Variants in MAP4K4 observed in about 807,000 individuals in gnomAD.
MAP4K4 encodes mitogen-activated protein kinase kinase kinase kinase 4.
In MAP4K4, 38 loss-of-function variants were observed where a neutral mutation model predicts 189.6. The observed-to-expected ratio is 0.20, with a 90% CI of 0.15 to 0.26. MAP4K4 has a LOEUF of 0.26. MAP4K4 is among the 10% of genes least tolerant of loss of function. The pLI is 1.00. For synonymous variants in MAP4K4, 610 were observed against 624.3 expected (o/e 0.98, Z 0.34); for missense variants, 1,054 against 1,726.9 (o/e 0.61, Z 6.91).
chr2:101,856,753 AG>A (rs1418115302), intron 13 of MAP4K4, among the ~76,000 whole-genome samples: 2 of 152,178 alleles, frequency 1.3e-5, no homozygotes, highest in Non-Finnish European at 2.9e-5. Flanking sequence ...ATTTGCCCTT[AG>A]CCCCTTTGCC....
chr2:101,867,243 G>T, exon 20 of MAP4K4: 1 of 1,606,218 alleles, frequency 6.2e-7, no homozygotes, highest in Admixed American at 1.7e-5. Context: ...CTCCATCTCA[G>T]CGCCTGGAAA....
chr2:101,805,017 T>C (rs1469147736), intron 3 of MAP4K4, among the ~76,000 whole-genome samples: 1 of 136,392 alleles, frequency 7.3e-6, no homozygotes, highest in South Asian at 2.2e-4. Context: ...GAGGTTGCAG[T>C]GAGCTGAGAT....
intron 3 of MAP4K4, among the ~76,000 whole-genome samples, chr2:101,816,192 G>C (rs1359786797): frequency 6.6e-6 from 1 of 152,204 alleles, no homozygotes; most frequent in African/African-American, 2.4e-5. Context: ...TCTCTTCTAA[G>C]CGCTTTCGTA....
At chr2:101,801,421 T>C (rs1013575789) in intron 3 of MAP4K4, among the ~76,000 whole-genome samples, 3 of 152,134 alleles carry the variant, frequency 2.0e-5, no homozygotes, top group African/African-American at 7.2e-5. Flanking sequence ...CCTGTTTACT[T>C]CCTCCAGCAG....
At chr2:101,802,987 T>C (rs1336182410) in intron 3 of MAP4K4, among the ~76,000 whole-genome samples, 3 of 152,220 alleles carry the variant, frequency 2.0e-5, no homozygotes, top group Non-Finnish European at 2.9e-5. Flanking sequence ...GGTTTCACCA[T>C]GTTGGCCAGG....
At chr2:101,797,152 A>C (rs1306729476) in intron 3 of MAP4K4, 5 of 1,081,236 alleles carry the variant, frequency 4.6e-6, no homozygotes, top group Non-Finnish European at 6.0e-6. Flanking sequence ...CAATGTAATG[A>C]ATGTGTTGTT....
intron 2 of MAP4K4, among the ~76,000 whole-genome samples, chr2:101,701,603 A>G (rs1328455838): frequency 1.3e-5 from 2 of 152,212 alleles, no homozygotes; most frequent in Non-Finnish European, 1.5e-5. Flanking sequence ...ATGGTCTGGT[A>G]TAGTTGAACA....
At chr2:101,774,776 T>A (rs2083139365) in intron 2 of MAP4K4, among the ~76,000 whole-genome samples, 1 of 152,200 alleles carries the variant, frequency 6.6e-6, no homozygotes, top group South Asian at 2.1e-4. Flanking sequence ...AACAGTCTCA[T>A]CACCCCAAAA....
intron 3 of MAP4K4, among the ~76,000 whole-genome samples, chr2:101,796,614 T>C (rs558325214): frequency 6.6e-6 from 1 of 152,342 alleles, no homozygotes. Context: ...CTTTAAAGGA[T>C]AGATGGATCT....
At chr2:101,765,870 T>C (rs2150258008) in intron 2 of MAP4K4, among the ~76,000 whole-genome samples, 1 of 152,362 alleles carries the variant, frequency 6.6e-6, no homozygotes. Flanking sequence ...GTGAGGCGTA[T>C]TTTAAAGTGT....
At chr2:101,740,176 C>G (rs1240617996) in intron 2 of MAP4K4, among the ~76,000 whole-genome samples, 1 of 56,048 alleles carries the variant, frequency 1.8e-5, no homozygotes, top group Non-Finnish European at 2.5e-5. Context: ...TTTTTTGAGA[C>G]GGAGTCTCGC....
At chr2:101,893,210 A>G (rs902556311) in exon 33 of MAP4K4, 1 of 456,200 alleles carries the variant, frequency 2.2e-6, no homozygotes, top group Non-Finnish European at 4.4e-6. Context: ...AAGTACATCC[A>G]CTCATGAATG....
At chr2:101,801,840 C>T (rs1303479712) in intron 3 of MAP4K4, among the ~76,000 whole-genome samples, 1 of 152,128 alleles carries the variant, frequency 6.6e-6, no homozygotes, top group African/African-American at 2.4e-5. Flanking sequence ...CCTGTTCTTC[C>T]CCCATAAGCT....
rs192871736 is a variant in MAP4K4 at position 101,728,885 on chromosome 2, A to G, written c.123+30347A>G. ...AGCTCTAGCTGCTCCTATATCTTGT[A>G]GTATGTGAGAGAAACTGATTTATAT... On this transcript the variant is annotated intron_variant, in intron 2 of 32. Transcript: ENST00000324219. 5.3e-3 allele frequency among the ~76,000 whole-genome samples: 807 copies of G among 152,304 alleles called. 4 individuals carry two copies. Among genetic ancestry groups the G allele is most frequent in the Admixed American group, 7.7e-3 (118 of 15,300 alleles).
chr2:101,742,247 C>T (rs2063158066), intron 2 of MAP4K4, among the ~76,000 whole-genome samples: 2 of 152,152 alleles, frequency 1.3e-5, no homozygotes, highest in Admixed American at 6.6e-5. Context: ...GGAGGCTTCC[C>T]AGGCAGGTAC....
At position 101,725,407 on chromosome 2, in the gene MAP4K4, CA is replaced by C. The variant is rs201929026; in HGVS notation, c.123+26878del. Among the ~76,000 whole-genome samples the C allele has an allele frequency of 2.5e-3, 353 of 141,008 alleles. 2 individuals carry two copies. The highest frequency in any genetic ancestry group is 3.5e-3 in the Non-Finnish European group (221 of 63,976). 92.5% of individuals were successfully genotyped at this position (141,008 alleles called of 152,430 possible). ...ATAAGCAAAAAAAAAAAAACAAAAA[CA>C]AAAAAAAACCAAAAAACAAAACATA... On this transcript the variant is annotated intron_variant, in intron 2 of 32. Coordinates refer to ENST00000324219, the Ensembl canonical transcript of MAP4K4.
intron 13 of MAP4K4, 103 bp downstream of exon 13, chr2:101,856,241 A>T (rs1046917713): frequency 9.5e-7 from 1 of 1,054,424 alleles, no homozygotes; most frequent in Middle Eastern, 3.2e-4. Flanking sequence ...GCATACACAC[A>T]TGTACACACA....
chr2:101,867,363 C>T (rs965822957), intron 20 of MAP4K4, 54 bp downstream of exon 20: 2 of 1,365,928 alleles, frequency 1.5e-6, no homozygotes, highest in East Asian at 2.4e-5. Context: ...TGAGATCTTT[C>T]TATTAAAAAT....
chr2:101,765,953 T>A (rs2078450401), intron 2 of MAP4K4, among the ~76,000 whole-genome samples: 1 of 152,176 alleles, frequency 6.6e-6, no homozygotes, highest in South Asian at 2.1e-4. Flanking sequence ...CTTGCTTGTT[T>A]CATCTTTAAA....
Sources: gnomAD v4.1 joint callset for allele counts (sites outside exome capture counted in the v4.1 genomes callset) on GRCh38, gnomAD v4.1.1 for gene constraint, MANE v1.5 for transcripts, NCBI Gene and HGNC (gene_info 2026-07-23, HGNC 2026-07-21) for gene names.